Variants in AHCY observed in about 807,000 individuals in gnomAD.
AHCY encodes the protein adenosylhomocysteinase.
In AHCY, 24 loss-of-function variants were observed where a neutral mutation model predicts 45.4. That is an observed-to-expected ratio of 0.53 (90% CI 0.38 to 0.74). The LOEUF (loss-of-function observed/expected upper bound fraction) is 0.74, where lower values mean the gene tolerates loss of function less well. Ranked by LOEUF, AHCY falls within the 30% of genes least tolerant of loss-of-function variation. The probability of loss-of-function intolerance (pLI) is 0.00; values close to 1 mark genes in which losing one functional copy is unlikely to be tolerated. For missense variants in AHCY, 449 were observed against 594.1 expected (o/e 0.76, Z 2.54); for synonymous variants, 245 against 235.1 (o/e 1.04, Z -0.39).
chr20:34,245,144 G>A, the AHCY span, among the ~76,000 whole-genome samples: 1 of 151,770 alleles, frequency 6.6e-6, no homozygotes, highest in East Asian at 2.0e-4. Context: ...GACCAGCCTG[G>A]CAAACATGAT....
chr20:34,288,337 G>A (rs568151807), intron 8 of AHCY, among the ~76,000 whole-genome samples: 5 of 152,206 alleles, frequency 3.3e-5, no homozygotes, highest in African/African-American at 9.6e-5. Flanking sequence ...TCTCAAACAC[G>A]GCACAGCACC....
intron 3 of AHCY, 75 bp downstream of exon 3, chr20:34,294,006 G>C (rs2036488907): frequency 6.9e-7 from 1 of 1,446,042 alleles, no homozygotes; most frequent in Non-Finnish European, 9.7e-7. Context: ...GAAGTCTGTT[G>C]CTCTAGCAGT....
At chr20:34,237,586 T>C in the AHCY span, among the ~76,000 whole-genome samples, 1 of 152,238 alleles carries the variant, frequency 6.6e-6, no homozygotes, top group East Asian at 1.9e-4. Flanking sequence ...TAAGATCATA[T>C]TATCTGTGAA....
At chr20:34,307,869 G>A (rs2036911964), upstream of AHCY, among the ~76,000 whole-genome samples, 1 of 152,002 alleles carries the variant, frequency 6.6e-6, no homozygotes, top group African/African-American at 2.4e-5. Flanking sequence ...GTGAGTTGGG[G>A]GTTTGGTGTA....
At chr20:34,285,967 T>TGGTAGCAGGCGC in intron 8 of AHCY, 2 of 335,258 alleles carry the variant, frequency 6.0e-6, no homozygotes, top group Non-Finnish European at 1.2e-5. Context: ...TAGCCGGGCG[T>TGGTAGCAGGCGC]GGTAGCAGGC....
Position 34,298,130 on chromosome 20 carries a change from C to T in AHCY, c.29-2545G>A, listed in dbSNP as rs2036632086. Among the ~76,000 whole-genome samples, 3 of 152,130 alleles carry T rather than the reference C, an allele frequency of 2.0e-5. No individual in the cohort carries two copies. The South Asian group carries it at 6.2e-4, about 32-fold the overall frequency. ...CTCCAGCCTGGGTGACAGAGTGAGA[C>T]TCGGTCTCAAAAAAATAAAATAAAA... On this transcript the variant is annotated intron_variant, in intron 1 of 9. Transcript: ENST00000217426.
chr20:34,246,306 T>G, the AHCY span: 8 of 1,550,680 alleles, frequency 5.2e-6, no homozygotes, highest in Non-Finnish European at 7.0e-6. Context: ...CCCTCACTAA[T>G]TCCAGCTTCT....
the AHCY span, among the ~76,000 whole-genome samples, chr20:34,237,845 G>GTT: frequency 2.0e-5 from 3 of 151,136 alleles, no homozygotes; most frequent in East Asian, 3.9e-4. Context: ...TTTGTGGAGT[G>GTT]TTTTTTTTTA....
At chr20:34,272,690 C>T in the AHCY span, among the ~76,000 whole-genome samples, 2 of 152,088 alleles carry the variant, frequency 1.3e-5, no homozygotes, top group African/African-American at 2.4e-5. Flanking sequence ...AGTTCAAGAC[C>T]AGCTTGGTCA....
chr20:34,279,109 CAAAAAAAAA>C (rs11467322), downstream of AHCY, among the ~76,000 whole-genome samples: 1 of 55,632 alleles, frequency 1.8e-5, no homozygotes, highest in Non-Finnish European at 3.1e-5. Flanking sequence ...GACTCCGTCT[CAAAAAAAAA>C]AAAAAAAAAA....
Position 34,290,642 on chromosome 20 carries a change from T to G in AHCY, c.767-4A>C. 3 of 1,614,104 alleles carry G rather than the reference T, an allele frequency of 1.9e-6. No homozygotes were observed. Among genetic ancestry groups the G allele is most frequent in the Non-Finnish European group, 2.5e-6 (3 of 1,180,010 alleles). ...TCCATGGTGGTCACCTCATAGCCTGTGCAGAGACAGTGGCTGTGGGTCATC... is the reference window on the plus strand; with the variant it reads ...TCCATGGTGGTCACCTCATAGCCTGGGCAGAGACAGTGGCTGTGGGTCATC... On this transcript the variant is annotated splice_region_variant and splice_polypyrimidine_tract_variant and intron_variant, in intron 6 of 9. Coordinates refer to ENST00000217426, the MANE Select transcript of AHCY (RefSeq NM_000687.4). The surrounding 1 kb of genome is among the most constrained non-coding windows in gnomAD (Gnocchi z 4.5).
At chr20:34,249,513 T>G in the AHCY span, among the ~76,000 whole-genome samples, 6 of 152,214 alleles carry the variant, frequency 3.9e-5, no homozygotes, top group African/African-American at 1.2e-4. Flanking sequence ...TTCTCAATCT[T>G]GTAACCACAG....
chr20:34,234,081 C>T, the AHCY span, among the ~76,000 whole-genome samples: 1 of 152,172 alleles, frequency 6.6e-6, no homozygotes, highest in Non-Finnish European at 1.5e-5. Flanking sequence ...GTCACCATGT[C>T]CAATGTTATG....
chr20:34,255,386 G>C, the AHCY span, among the ~76,000 whole-genome samples: 1 of 151,970 alleles, frequency 6.6e-6, no homozygotes. Context: ...CAACCTCCCA[G>C]GTTCAAGCAA....
chr20:34,252,282 A>G, the AHCY span, among the ~76,000 whole-genome samples: 1 of 152,216 alleles, frequency 6.6e-6, no homozygotes, highest in Admixed American at 6.5e-5. Flanking sequence ...GAGTTCCCTC[A>G]GTATTTATTG....
the AHCY span, among the ~76,000 whole-genome samples, chr20:34,243,608 A>G: frequency 3.3e-5 from 5 of 152,140 alleles, no homozygotes; most frequent in African/African-American, 7.2e-5. Context: ...GCCAGCACCA[A>G]CAGAATACAT....
At chr20:34,263,191 C>G in the AHCY span, among the ~76,000 whole-genome samples, 1 of 152,202 alleles carries the variant, frequency 6.6e-6, no homozygotes, top group Non-Finnish European at 1.5e-5. Flanking sequence ...TGGTGTTTCC[C>G]AAACCTCAGT....
At chr20:34,260,036 C>T in the AHCY span, among the ~76,000 whole-genome samples, 3 of 152,018 alleles carry the variant, frequency 2.0e-5, no homozygotes, top group African/African-American at 7.3e-5. Flanking sequence ...CCTGGGGTCT[C>T]CTGGGGCCAC....
chr20:34,301,078 C>G (rs1317041422), intron 1 of AHCY, among the ~76,000 whole-genome samples: 1 of 152,148 alleles, frequency 6.6e-6, no homozygotes, highest in Non-Finnish European at 1.5e-5. Flanking sequence ...AAAAACAACA[C>G]AAATCTGAAC....
Sources: allele counts gnomAD v4.1 joint callset (sites outside exome capture counted in the v4.1 genomes callset), GRCh38; gene constraint gnomAD v4.1.1; non-coding constraint Gnocchi (gnomAD v3.1); transcripts MANE v1.5; gene names NCBI Gene and HGNC (gene_info 2026-07-23, HGNC 2026-07-21).